Variants in ABL2 observed in about 807,000 individuals in gnomAD.
The protein encoded by ABL2 is ABL proto-oncogene 2, non-receptor tyrosine kinase.
A neutral mutation model predicts 107.7 loss-of-function variants in ABL2; 49 were observed. The ratio of observed to expected loss-of-function variants is 0.45; its 90% CI spans 0.36 to 0.58. The LOEUF (loss-of-function observed/expected upper bound fraction) is 0.58, where lower values mean the gene tolerates loss of function less well. Ranked by LOEUF, ABL2 falls within the 20% of genes least tolerant of loss-of-function variation. ABL2 has a pLI of 0.00. For missense variants in ABL2, 1,245 were observed against 1,457.0 expected, an observed-to-expected ratio of 0.85 and a Z score of 2.37; for synonymous variants, 549 against 548.6, an observed-to-expected ratio of 1.00 and a Z score of -0.01.
chr1:179,129,539 C>T (rs374911734), intron 3 of ABL2, among the ~76,000 whole-genome samples: 2 of 151,998 alleles, frequency 1.3e-5, no homozygotes, highest in East Asian at 1.9e-4. Context: ...AAAATTAACA[C>T]GGCGTGGTGG....
intron 1 of ABL2, among the ~76,000 whole-genome samples, chr1:179,178,832 G>A (rs867620665): frequency 2.6e-5 from 4 of 152,096 alleles, no homozygotes; most frequent in Non-Finnish European, 5.9e-5. Context: ...GGGATGTGGA[G>A]GTTGCAGTGA....
At chr1:179,131,730 T>C (rs1656350208) in intron 2 of ABL2, among the ~76,000 whole-genome samples, 1 of 152,216 alleles carries the variant, frequency 6.6e-6, no homozygotes, top group Non-Finnish European at 1.5e-5. Flanking sequence ...AGCCGTGATT[T>C]ATATGCACTC....
At chr1:179,211,061 A>C (rs1662244020) in intron 1 of ABL2, among the ~76,000 whole-genome samples, 1 of 152,162 alleles carries the variant, frequency 6.6e-6, no homozygotes, top group Admixed American at 6.5e-5. Context: ...AAGATAGTTA[A>C]TAATTTCAGG....
chr1:179,131,253 T>C, intron 3 of ABL2, 58 bp downstream of exon 3: 1 of 1,568,420 alleles, frequency 6.4e-7, no homozygotes. Context: ...CAGGCCCCTT[T>C]ATCTCTTAAT....
chr1:179,219,218 T>C, intron 1 of ABL2, among the ~76,000 whole-genome samples: 1 of 152,186 alleles, frequency 6.6e-6, no homozygotes, highest in Admixed American at 6.5e-5. Context: ...AGGTTTTCTA[T>C]TTTTTGTAGA....
chr1:179,184,137 C>G (rs1314096696), intron 1 of ABL2: 1 of 311,968 alleles, frequency 3.2e-6, no homozygotes, highest in Non-Finnish European at 6.1e-6. Context: ...GTTTGTCAAC[C>G]ATCCTCAAGT....
chr1:179,169,154 T>C (rs1659568635), intron 1 of ABL2, among the ~76,000 whole-genome samples: 1 of 152,108 alleles, frequency 6.6e-6, no homozygotes, highest in African/African-American at 2.4e-5. Context: ...AAATGAAATA[T>C]CAGTGTAACA....
At position 179,147,253 on chromosome 1, in the gene ABL2, C is replaced by G. The variant is rs1391921834; in HGVS notation, c.158-13879G>C. 2.2e-5 allele frequency among the ~76,000 whole-genome samples: 3 copies of G among 136,840 alleles called. No homozygotes were observed. The East Asian group carries it at 7.0e-4, about 32-fold the overall frequency. The allele number at this position is 136,840 out of a possible 152,430, so 89.8% of individuals were successfully genotyped here. A position where few individuals can be genotyped will look rare whatever the true frequency, so the allele number is the denominator to read the frequency against. ...ATGCAGAGAAAAGGGAACACTTATT[C>G]ACTGTTGGTGGAAATGTAAGTTAGC... On this transcript the variant is annotated intron_variant, in intron 1 of 11. Transcript: ENST00000502732.
At chr1:179,228,708 T>C (rs1427823302) in intron 1 of ABL2, among the ~76,000 whole-genome samples, 1 of 152,130 alleles carries the variant, frequency 6.6e-6, no homozygotes, top group East Asian at 1.9e-4. Flanking sequence ...TGATGCTAAC[T>C]TCATCTTCCC....
chr1:179,190,104 A>T (rs1660916632), intron 1 of ABL2, among the ~76,000 whole-genome samples: 1 of 152,214 alleles, frequency 6.6e-6, no homozygotes, highest in Middle Eastern at 3.4e-3. Flanking sequence ...GGCGTGAGCC[A>T]CCGGGCCCAG....
At chr1:179,141,657 C>T (rs977789920) in intron 1 of ABL2, among the ~76,000 whole-genome samples, 5 of 152,192 alleles carry the variant, frequency 3.3e-5, no homozygotes, top group South Asian at 2.1e-4. Flanking sequence ...TCTGGTTTTA[C>T]GGTCTTTTTG....
At chr1:179,208,083 G>A (rs910746306) in intron 1 of ABL2, among the ~76,000 whole-genome samples, 18 of 151,996 alleles carry the variant, frequency 1.2e-4, no homozygotes, top group Admixed American at 3.3e-4. Context: ...AATAGTACAC[G>A]AAGACTAGCC....
At chr1:179,139,747 C>T (rs1375397768) in intron 1 of ABL2, among the ~76,000 whole-genome samples, 7 of 152,146 alleles carry the variant, frequency 4.6e-5, no homozygotes, top group Admixed American at 3.9e-4. Flanking sequence ...CGAGCATTAC[C>T]GCTTGAGCTC....
intron 1 of ABL2, among the ~76,000 whole-genome samples, chr1:179,149,454 A>T (rs1557956892): frequency 1.3e-5 from 2 of 152,246 alleles, no homozygotes; most frequent in Admixed American, 6.5e-5. Context: ...TCACCGATGA[A>T]TGTGGCCACA....
chr1:179,107,978 A>T lies in ABL2; in HGVS notation c.3289T>A (p.Ser1097Thr), dbSNP rs146190825. The change falls in exon 12 of 12, where the codon TCC (serine) becomes ACC (threonine). Residue 1097 changes from serine to threonine, a missense_variant. Ser to Thr is a moderately conservative substitution (Grantham distance 58). Around this residue, in one of 3 missense-constraint regions of ABL2, gnomAD observed 761 missense variants for 766.4 expected, o/e 0.99. Transcript: ENST00000502732. ...GGCACAGGTTCCGTGAGTGCACTGG[A>T]CAGTAGGTCAGCACATTCCAGCAGG... is the stretch of plus-strand genomic sequence containing the variant. ...EALLECADLLSSALTEPVPNS... is the reference protein window; with the variant it reads ...EALLECADLLTSALTEPVPNS... 5.6e-6 allele frequency: 9 copies of T among 1,614,084 alleles called. No individual in the cohort carries two copies. The highest frequency in any genetic ancestry group is 4.0e-5 in the African/African-American group (3 of 74,914).
At chr1:179,171,415 A>G (rs1233334056) in intron 1 of ABL2, among the ~76,000 whole-genome samples, 1 of 152,242 alleles carries the variant, frequency 6.6e-6, no homozygotes, top group Non-Finnish European at 1.5e-5. Context: ...TATGAAATAA[A>G]TTATAGTATG....
intron 1 of ABL2, among the ~76,000 whole-genome samples, chr1:179,161,989 A>C (rs557796652): frequency 6.6e-6 from 1 of 152,286 alleles, no homozygotes; most frequent in East Asian, 1.9e-4. Context: ...GCCATGATGC[A>C]GCAAGACAGA....
At chr1:179,147,805 C>T (rs1658106191) in intron 1 of ABL2, among the ~76,000 whole-genome samples, 1 of 152,162 alleles carries the variant, frequency 6.6e-6, no homozygotes, top group African/African-American at 2.4e-5. Context: ...GGCAATATAT[C>T]CATGGAAGAA....
At chr1:179,221,262 T>G (rs1662848499) in intron 1 of ABL2, 1 of 158,702 alleles carries the variant, frequency 6.3e-6, no homozygotes, top group Non-Finnish European at 1.4e-5. Flanking sequence ...AGTGATGTAA[T>G]CCAACGAGAT....
Sources: gnomAD v4.1 joint callset for allele counts (sites outside exome capture counted in the v4.1 genomes callset) on GRCh38, gnomAD v4.1.1 for gene constraint, gnomAD v4.1.1 regional missense constraint, MANE v1.5 for transcripts, NCBI Gene and HGNC (gene_info 2026-07-23, HGNC 2026-07-21) for gene names.